CTNNBL1: variants seen among roughly 807,000 people sequenced by gnomAD.
CTNNBL1 encodes catenin beta like 1.
Under a neutral mutation model 72.7 loss-of-function variants are expected in CTNNBL1, and 31 were observed. The observed-to-expected ratio is 0.43, with a 90% CI of 0.32 to 0.58. The LOEUF (loss-of-function observed/expected upper bound fraction) is 0.58, where lower values mean the gene tolerates loss of function less well. Among genes scored for constraint, CTNNBL1 ranks in the 20% least tolerant of loss-of-function variants. The probability of loss-of-function intolerance (pLI) is 0.08; values close to 1 mark genes in which losing one functional copy is unlikely to be tolerated. For synonymous variants in CTNNBL1, 240 were observed against 267.3 expected, an observed-to-expected ratio of 0.90 and a Z score of 1.00; for missense variants, 534 against 725.1, an observed-to-expected ratio of 0.74 and a Z score of 3.03.
chr20:37,864,508 A>T (rs4811239), intron 15 of CTNNBL1, among the ~76,000 whole-genome samples: 1 of 151,946 alleles, frequency 6.6e-6, no homozygotes, highest in African/African-American at 2.4e-5. Flanking sequence ...TCCCTCCTCT[A>T]TTGGGGGTGC....
At chr20:37,699,799 T>C (rs114867940) in intron 1 of CTNNBL1, among the ~76,000 whole-genome samples, 1,577 of 152,292 alleles carry the variant, frequency 0.01, 32 homozygotes, top group African/African-American at 0.036. Flanking sequence ...TGTGATCCCC[T>C]GGTCTAAAAT....
intron 13 of CTNNBL1, among the ~76,000 whole-genome samples, chr20:37,843,587 T>TG (rs1488587494): frequency 1.3e-5 from 2 of 152,234 alleles, no homozygotes; most frequent in Non-Finnish European, 2.9e-5. Context: ...ACTAGACTGC[T>TG]GCACCTCTAT....
At chr20:37,745,349 A>G (rs1235747532) in intron 3 of CTNNBL1, among the ~76,000 whole-genome samples, 1 of 152,186 alleles carries the variant, frequency 6.6e-6, no homozygotes, top group Non-Finnish European at 1.5e-5. Context: ...TTAATTCAGT[A>G]GGCATCTGTG....
chr20:37,792,079 C>CT (rs1250930665), intron 10 of CTNNBL1, among the ~76,000 whole-genome samples: 1 of 152,158 alleles, frequency 6.6e-6, no homozygotes, highest in African/African-American at 2.4e-5. Context: ...TGTTGTCAAA[C>CT]TTACTGGCAA....
At chr20:37,747,132 C>T (rs1486319173) in intron 4 of CTNNBL1, among the ~76,000 whole-genome samples, 2 of 152,162 alleles carry the variant, frequency 1.3e-5, no homozygotes, top group Non-Finnish European at 2.9e-5. Context: ...AATCCCAAGA[C>T]TTTGGGAGGC....
At chr20:37,779,790 T>C (rs2073610036) in intron 10 of CTNNBL1, among the ~76,000 whole-genome samples, 2 of 152,348 alleles carry the variant, frequency 1.3e-5, no homozygotes, top group South Asian at 4.1e-4. Flanking sequence ...ACATGTGCTG[T>C]ATGCCTAGCT....
chr20:37,840,683 A>G (rs917396177), intron 12 of CTNNBL1, among the ~76,000 whole-genome samples: 11 of 152,248 alleles, frequency 7.2e-5, no homozygotes, highest in Non-Finnish European at 4.4e-5. Flanking sequence ...TGGTAATAAA[A>G]TGAAGATAAT....
At chr20:37,797,255 G>A (rs1006395680) in intron 10 of CTNNBL1, among the ~76,000 whole-genome samples, 4 of 151,404 alleles carry the variant, frequency 2.6e-5, no homozygotes, top group Non-Finnish European at 2.9e-5. Flanking sequence ...CATCATGCAC[G>A]TTGTAAAGCA....
At chr20:37,746,765 C>A in intron 4 of CTNNBL1, 158 bp downstream of exon 4, 2 of 1,003,510 alleles carry the variant, frequency 2.0e-6, no homozygotes, top group East Asian at 2.6e-5. Context: ...GCTTTTTACT[C>A]ATTTGAAAAC....
intron 10 of CTNNBL1, among the ~76,000 whole-genome samples, chr20:37,797,026 G>T (rs1697727811): frequency 6.6e-6 from 1 of 152,260 alleles, no homozygotes; most frequent in African/African-American, 2.4e-5. Context: ...AGAGCTGATG[G>T]TGCACATCTC....
intron 11 of CTNNBL1, among the ~76,000 whole-genome samples, chr20:37,816,243 A>G (rs1004676644): frequency 2.6e-5 from 4 of 152,198 alleles, no homozygotes; most frequent in Non-Finnish European, 4.4e-5. Context: ...GCAGTCTATT[A>G]AAGGATGTGT....
chr20:37,824,800 G>A lies in CTNNBL1; in HGVS notation c.1214-15302G>A, dbSNP rs555093398. 5.3e-5 allele frequency among the ~76,000 whole-genome samples: 8 copies of A among 152,278 alleles called. No individual in the cohort carries two copies. The South Asian group carries it at 1.0e-3, about 20-fold the overall frequency. ...AAAAGTGCCTGGCTTCTATTTTCAA[G>A]ATTGCCTCATGGTCCCAGATGGCTA... is the stretch of plus-strand genomic sequence containing the variant. On this transcript the variant is annotated intron_variant, in intron 11 of 15. Transcript: ENST00000361383.
intron 4 of CTNNBL1, among the ~76,000 whole-genome samples, chr20:37,754,281 GC>G (rs2073345240): frequency 3.0e-5 from 4 of 132,402 alleles, no homozygotes; most frequent in Admixed American, 2.3e-4. Flanking sequence ...TTATTTATTT[GC>G]TTTTTTTTTT....
At chr20:37,738,299 G>C (rs1317963852) in intron 3 of CTNNBL1, among the ~76,000 whole-genome samples, 3 of 152,156 alleles carry the variant, frequency 2.0e-5, no homozygotes, top group Admixed American at 2.0e-4. Flanking sequence ...TTCCTCACAG[G>C]GTTGTATGAA....
intron 11 of CTNNBL1, among the ~76,000 whole-genome samples, chr20:37,834,267 T>A (rs1181260913): frequency 7.0e-6 from 1 of 142,542 alleles, no homozygotes; most frequent in Non-Finnish European, 1.5e-5. Context: ...ATAAAGAACA[T>A]TCTCTTGCAA....
chr20:37,715,814 T>G (rs1235324084), intron 1 of CTNNBL1, among the ~76,000 whole-genome samples: 1 of 152,228 alleles, frequency 6.6e-6, no homozygotes, highest in Non-Finnish European at 1.5e-5. Flanking sequence ...AGGCTAGCTC[T>G]CTGAAGTCAT....
chr20:37,827,562 A>G (rs1466731441), intron 11 of CTNNBL1, among the ~76,000 whole-genome samples: 2 of 152,232 alleles, frequency 1.3e-5, no homozygotes, highest in South Asian at 2.1e-4. Context: ...AGCGTTCTCT[A>G]CAGCAGACTT....
rs6096107 is a variant in CTNNBL1 at position 37,765,582 on chromosome 20, C to A, written c.658+292C>A. Among the ~76,000 whole-genome samples, 599 of 152,314 alleles carry A rather than the reference C, an allele frequency of 3.9e-3. 2 individuals are homozygous for A. The highest frequency in any genetic ancestry group is 0.014 in the African/African-American group (575 of 41,572). Reference sequence around the variant, plus strand: ...TCGCCTCCAAAAGTTAGGATGAAACCTATGCTGGTTAATTTTGTTTCCTTT... The same window carrying A: ...TCGCCTCCAAAAGTTAGGATGAAACATATGCTGGTTAATTTTGTTTCCTTT... On this transcript the variant is annotated intron_variant, in intron 6 of 15. Coordinates refer to ENST00000361383, the MANE Select transcript of CTNNBL1 (RefSeq NM_030877.5).
intron 10 of CTNNBL1, among the ~76,000 whole-genome samples, chr20:37,796,912 G>T (rs370896685): frequency 1.4e-4 from 22 of 152,244 alleles, no homozygotes; most frequent in African/African-American, 5.3e-4. Flanking sequence ...TACATTCACG[G>T]TTTATTGGCT....
Sources: gnomAD v4.1 joint callset for allele counts (sites outside exome capture counted in the v4.1 genomes callset) on GRCh38, gnomAD v4.1.1 for gene constraint, MANE v1.5 for transcripts, NCBI Gene and HGNC (gene_info 2026-07-23, HGNC 2026-07-21) for gene names.